The following ZKSCAN5 variants were observed in gnomAD, a reference collection of about 807,000 sequenced individuals.
ZKSCAN5 encodes zinc finger protein with KRAB and SCAN domains 5.
Under a neutral mutation model 60.0 loss-of-function variants are expected in ZKSCAN5, and 28 were observed. The observed-to-expected ratio is 0.47, with a 90% CI of 0.35 to 0.64. The LOEUF (loss-of-function observed/expected upper bound fraction) is 0.64. ZKSCAN5 is among the 30% of genes least tolerant of loss of function. ZKSCAN5 has a pLI of 0.01. For synonymous variants in ZKSCAN5, 361 were observed against 371.2 expected (o/e 0.97, Z 0.31); for missense variants, 881 against 1,034.6 (o/e 0.85, Z 2.04).
rs1289967601 is a variant in ZKSCAN5 at position 99,506,370 on chromosome 7, G to C, written c.326G>C (p.Trp109Ser). ...ATCCTGCCTGAAGAGTTCCAGCCCT[G>C]GGTGAGGGAACATCACCCTGAAAGT... is the stretch of plus-strand genomic sequence containing the variant. ...LTILPEEFQP[W>S]VREHHPESGE... The change falls in exon 2 of 7, where the codon TGG becomes TCG. Residue 109 changes from tryptophan (W) to serine (S), a missense_variant. Trp to Ser is a radical substitution (Grantham distance 177). Coordinates refer to ENST00000326775, the MANE Select transcript of ZKSCAN5 (RefSeq NM_145102.4). 4 of 1,614,098 alleles carry C rather than the reference G, an allele frequency of 2.5e-6. No individual in the cohort carries two copies. The African/African-American group carries it at 5.3e-5, about 22-fold the overall frequency.
At chr7:99,509,812 G>A (rs2151095831) in intron 2 of ZKSCAN5, among the ~76,000 whole-genome samples, 2 of 152,162 alleles carry the variant, frequency 1.3e-5, no homozygotes, top group East Asian at 3.9e-4. Context: ...TTATGGTGGT[G>A]AATTGTCTGT....
intron 3 of ZKSCAN5, among the ~76,000 whole-genome samples, chr7:99,518,288 G>A (rs77260109): frequency 6.6e-6 from 1 of 151,894 alleles, no homozygotes; most frequent in Non-Finnish European, 1.5e-5. Flanking sequence ...AAGCTTGGTG[G>A]TGCACACCTG....
chr7:99,515,417 AC>A (rs1045567790), intron 3 of ZKSCAN5, among the ~76,000 whole-genome samples: 4 of 151,932 alleles, frequency 2.6e-5, no homozygotes, highest in Non-Finnish European at 4.4e-5. Context: ...AAAAAAAAAA[AC>A]AAAAACTGCT....
chr7:99,508,982 T>G (rs2151094849), intron 2 of ZKSCAN5, among the ~76,000 whole-genome samples: 1 of 151,748 alleles, frequency 6.6e-6, no homozygotes. Flanking sequence ...GCTAATTTTT[T>G]TAGTTTTTTT....
intron 3 of ZKSCAN5, among the ~76,000 whole-genome samples, chr7:99,513,574 A>G (rs1801137685): frequency 6.6e-6 from 1 of 151,888 alleles, no homozygotes; most frequent in Non-Finnish European, 1.5e-5. Context: ...TTGGATTTTT[A>G]GTAAAGATGG....
At chr7:99,519,951 A>G in intron 4 of ZKSCAN5, 42 bp downstream of exon 4, 1 of 1,603,142 alleles carries the variant, frequency 6.2e-7, no homozygotes, top group Non-Finnish European at 8.5e-7. Context: ...ACCCATCCTG[A>G]ACCTTCACCA....
intron 6 of ZKSCAN5, among the ~76,000 whole-genome samples, chr7:99,526,695 C>T (rs1326276495): frequency 3.9e-5 from 6 of 152,196 alleles, no homozygotes; most frequent in Admixed American, 2.6e-4. Context: ...GCTGGGACAA[C>T]AGGCGCGCAC....
At chr7:99,517,244 A>C (rs1436368034) in intron 3 of ZKSCAN5, among the ~76,000 whole-genome samples, 1 of 152,076 alleles carries the variant, frequency 6.6e-6, no homozygotes, top group Non-Finnish European at 1.5e-5. Flanking sequence ...TTGTATTTTT[A>C]GTAGAGATGG....
Position 99,532,540 on chromosome 7 carries a change from A to G in ZKSCAN5, c.*291A>G, listed in dbSNP as rs1046626745. The G allele has an allele frequency of 1.1e-5, 3 of 274,786 alleles. No homozygotes were observed. The highest frequency in any genetic ancestry group is 2.2e-5 in the African/African-American group (1 of 45,328). The allele number at this position is 274,786 out of a possible 1,614,324, so 17.0% of individuals were successfully genotyped here. A position where few individuals can be genotyped will look rare whatever the true frequency, so the allele number is the denominator to read the frequency against. Reference sequence around the variant, plus strand: ...GGAATTCGGAAAGCCTGCAGTTGACATTCAGTCTTCACTTGAAACTCAAAA... The same window carrying G: ...GGAATTCGGAAAGCCTGCAGTTGACGTTCAGTCTTCACTTGAAACTCAAAA... On this transcript the variant is annotated 3_prime_UTR_variant, in exon 7 of 7. Coordinates refer to ENST00000326775, the MANE Select transcript of ZKSCAN5 (RefSeq NM_145102.4).
intron 2 of ZKSCAN5, among the ~76,000 whole-genome samples, chr7:99,509,470 T>C (rs928159037): frequency 1.5e-4 from 21 of 138,618 alleles, no homozygotes; most frequent in African/African-American, 5.7e-4. Context: ...ACCACAGCAC[T>C]TTTTTTTTTT....
chr7:99,519,769 T>A, intron 3 of ZKSCAN5, 58 bp from the exon 4 acceptor site: 2 of 1,532,244 alleles, frequency 1.3e-6, no homozygotes, highest in Non-Finnish European at 1.8e-6. Context: ...AGGAACATGA[T>A]GGCAATGAGA....
At chr7:99,531,079 C>T (rs1802018493) in intron 6 of ZKSCAN5, 29 bp from the exon 7 acceptor site, 1 of 1,535,428 alleles carries the variant, frequency 6.5e-7, no homozygotes, top group Non-Finnish European at 8.8e-7. Flanking sequence ...GAACTGATGA[C>T]ATTTTCACTT....
In ZKSCAN5 at chr7:99,531,740, T is replaced by C. The variant is rs1802055309; in HGVS notation, c.2011T>C (p.Phe671Leu). 2.5e-6 allele frequency: 4 copies of C among 1,614,118 alleles called. No individual in the cohort carries two copies. The highest frequency in any genetic ancestry group is 1.7e-6 in the Non-Finnish European group (2 of 1,180,020). ...GTGTCGTGAATGTGGGGAAATCTTT[T>C]TTCAGTACGTTAGCCTAATTGAACA... ...HQCRECGEIF[F>L]QYVSLIEHQV... is the part of the protein sequence containing the mutation. Residue 671 changes from phenylalanine (F) to leucine (L), a missense_variant, in exon 7 of 7, where the codon TTT (phenylalanine) becomes CTT (leucine). Phe to Leu is a conservative substitution (Grantham distance 22). Coordinates refer to ENST00000326775, the MANE Select transcript of ZKSCAN5 (RefSeq NM_145102.4).
intron 2 of ZKSCAN5, among the ~76,000 whole-genome samples, chr7:99,511,549 C>A (rs907519955): frequency 2.0e-5 from 3 of 151,676 alleles, no homozygotes; most frequent in Admixed American, 6.6e-5. Context: ...CTCAAGCGAT[C>A]CTCGCACCTC....
chr7:99,530,665 T>C (rs1190900116), intron 6 of ZKSCAN5, among the ~76,000 whole-genome samples: 1 of 152,190 alleles, frequency 6.6e-6, no homozygotes, highest in Non-Finnish European at 1.5e-5. Context: ...ACATTCCTGT[T>C]GGCATCAAGT....
At position 99,531,327 on chromosome 7, in the gene ZKSCAN5, G is replaced by A. The variant is rs1012754301; in HGVS notation, c.1598G>A (p.Ser533Asn). Residue 533 changes from serine (S) to asparagine (N), a missense_variant, in exon 7 of 7, where the codon AGT (serine) becomes AAT (asparagine). Ser to Asn is a conservative substitution (Grantham distance 46, BLOSUM62 1). Coordinates refer to ENST00000326775, the MANE Select transcript of ZKSCAN5 (RefSeq NM_145102.4). The part of the protein sequence containing the change: ...GQPSSKRMNY[S>N]EVPYVHKKSS... Reference sequence around the variant, plus strand: ...CCATCTTCAAAGAGGATGAACTACAGTGAAGTCCCATATGTCCACAAAAAA... The same window carrying A: ...CCATCTTCAAAGAGGATGAACTACAATGAAGTCCCATATGTCCACAAAAAA... 1 of 1,614,086 alleles carries A rather than the reference G, an allele frequency of 6.2e-7. No homozygotes were observed. The highest frequency in any genetic ancestry group is 1.1e-5 in the South Asian group (1 of 91,096).
At position 99,506,152 on chromosome 7, in the gene ZKSCAN5, C is replaced by T. The variant is rs373496951; in HGVS notation, c.108C>T (p.Thr36=). 6.8e-6 allele frequency: 11 copies of T among 1,614,050 alleles called. No homozygotes were observed. The African/African-American group carries it at 1.3e-4, about 20-fold the overall frequency. ...FIVKVEEEDC[T]WMQEYNPPTF... is the part of the protein sequence containing the mutation. ...TGAAGGTGGAAGAAGAAGACTGCAC[C>T]TGGATGCAGGAGTACAACCCGCCAA... The change falls in exon 2 of 7, where the codon ACC becomes ACT. Residue 36 remains threonine, a synonymous_variant. Transcript: ENST00000326775.
Position 99,526,037 on chromosome 7 carries a change from G to A in ZKSCAN5, c.997G>A (p.Asp333Asn). ...SQKRDLDAIT[D>N]ISPKQSTHGE... ...GAAAAGGGATCTGGATGCAATCACA[G>A]ACATCAGCCCTAAGCAAAGCACACA... Residue 333 changes from aspartate to asparagine, a missense_variant, in exon 6 of 7, where the codon GAC becomes AAC. Coordinates refer to ENST00000326775, the MANE Select transcript of ZKSCAN5 (RefSeq NM_145102.4). 6.2e-7 allele frequency: 1 copy of A among 1,614,202 alleles called. No homozygotes were observed. The highest frequency in any genetic ancestry group is 1.1e-5 in the South Asian group (1 of 91,084).
rs1277052964 is a variant in ZKSCAN5 at position 99,518,650 on chromosome 7, T to A, written c.554-1177T>A. On this transcript the variant is annotated intron_variant, in intron 3 of 6. Transcript: ENST00000326775. Reference sequence around the variant, plus strand: ...TTCTTTGAGATAATAAAATTTGATCTTGGCAAAGCAGAATGCATCCTTTTT... The same window carrying A: ...TTCTTTGAGATAATAAAATTTGATCATGGCAAAGCAGAATGCATCCTTTTT... Among the ~76,000 whole-genome samples, 7 of 150,896 alleles carry A rather than the reference T, an allele frequency of 4.6e-5. No individual in the cohort carries two copies. In the South Asian group the frequency reaches 8.4e-4, roughly 18 times the overall value.
Sources: allele counts gnomAD v4.1 joint callset (sites outside exome capture counted in the v4.1 genomes callset), GRCh38; gene constraint gnomAD v4.1.1; transcripts MANE v1.5; gene names NCBI Gene and HGNC (gene_info 2026-07-23, HGNC 2026-07-21).